CAB39: variants seen among roughly 807,000 people sequenced by gnomAD.
CAB39 encodes calcium binding protein 39.
Under a neutral mutation model 40.0 loss-of-function variants are expected in CAB39, and 8 were observed. The observed-to-expected ratio is 0.20, with a 90% CI of 0.12 to 0.36. The LOEUF is 0.36. Among genes scored for constraint, CAB39 ranks in the 10% least tolerant of loss-of-function variants. CAB39 has a pLI of 1.00. For synonymous variants in CAB39, 156 were observed against 141.6 expected, an observed-to-expected ratio of 1.10 and a Z score of -0.72; for missense variants, 270 against 401.1, an observed-to-expected ratio of 0.67 and a Z score of 2.79.
rs1294527353 is a variant in CAB39, at chr2:230,750,784, A to T, written c.-43-9175A>T. Among the ~76,000 whole-genome samples the T allele has an allele frequency of 2.0e-5, 3 of 152,204 alleles. No homozygotes were observed. In the East Asian group the frequency reaches 5.8e-4, roughly 29 times the overall value. ...TCCAGTTTATATAATAGATATGCAG[A>T]TACAGTGCTAAGCACTTTTTAATTC... On this transcript the variant is annotated intron_variant, in intron 1 of 8. Transcript: ENST00000258418.
intron 2 of CAB39, among the ~76,000 whole-genome samples, chr2:230,786,154 ACT>A (rs1306041560): frequency 8.2e-6 from 1 of 121,706 alleles, no homozygotes; most frequent in East Asian, 2.3e-4. Flanking sequence ...ACAGAGCAAG[ACT>A]CTGTCTCAAA....
intron 2 of CAB39, among the ~76,000 whole-genome samples, chr2:230,782,962 A>C (rs983173881): frequency 7.0e-6 from 1 of 142,448 alleles, no homozygotes; most frequent in Non-Finnish European, 1.6e-5. Flanking sequence ...ACAGGCGCTG[A>C]CCACCACGCC....
intron 4 of CAB39, among the ~76,000 whole-genome samples, chr2:230,796,581 A>G (rs1385726487): frequency 6.6e-6 from 1 of 152,146 alleles, no homozygotes; most frequent in Non-Finnish European, 1.5e-5. Context: ...TTGTGAGCAG[A>G]TATTTCCATC....
chr2:230,722,459 A>G (rs1263496424), intron 1 of CAB39, among the ~76,000 whole-genome samples: 1 of 152,222 alleles, frequency 6.6e-6, no homozygotes, highest in Admixed American at 6.5e-5. Flanking sequence ...GCCCAGCTCC[A>G]AACTGTTTTA....
At chr2:230,740,860 T>C (rs1358208060) in intron 1 of CAB39, among the ~76,000 whole-genome samples, 1 of 152,230 alleles carries the variant, frequency 6.6e-6, no homozygotes, top group African/African-American at 2.4e-5. Context: ...AAGATGGGGC[T>C]TCCTATGCAA....
chr2:230,787,538 T>G (rs1450493525), intron 2 of CAB39, among the ~76,000 whole-genome samples: 3 of 152,196 alleles, frequency 2.0e-5, no homozygotes, highest in Non-Finnish European at 4.4e-5. Flanking sequence ...AGAATAACAT[T>G]TGGAAAGACC....
intron 4 of CAB39, among the ~76,000 whole-genome samples, chr2:230,794,236 G>C (rs541264171): frequency 2.0e-5 from 3 of 152,218 alleles, no homozygotes; most frequent in African/African-American, 7.2e-5. Context: ...TAGACAAAGT[G>C]TGAGTCAGTG....
chr2:230,817,678 AAAAT>A (rs1218270901), intron 7 of CAB39, 72 bp from the exon 8 acceptor site: 6 of 1,180,956 alleles, frequency 5.1e-6, no homozygotes, highest in African/African-American at 1.6e-5. Context: ...TGATGATTAT[AAAAT>A]AAATTGTTTT....
intron 1 of CAB39, among the ~76,000 whole-genome samples, chr2:230,732,400 G>T (rs2139044): frequency 6.6e-6 from 1 of 152,122 alleles, no homozygotes; most frequent in Non-Finnish European, 1.5e-5. Context: ...CTCTTAACAG[G>T]AGAACTCAGT....
chr2:230,746,662 A>G (rs1694983306), intron 1 of CAB39, among the ~76,000 whole-genome samples: 1 of 152,130 alleles, frequency 6.6e-6, no homozygotes, highest in South Asian at 2.1e-4. Context: ...ACTTTGCTAG[A>G]TTTCCTGCTC....
chr2:230,818,282 C>T (rs955708305), intron 8 of CAB39: 3 of 505,850 alleles, frequency 5.9e-6, no homozygotes, highest in African/African-American at 3.9e-5. Flanking sequence ...ATACTAAACA[C>T]TGTGTTGCAG....
At chr2:230,746,449 C>G (rs536033099) in intron 1 of CAB39, among the ~76,000 whole-genome samples, 2 of 152,338 alleles carry the variant, frequency 1.3e-5, no homozygotes, top group East Asian at 1.9e-4. Flanking sequence ...CAGGATGGCT[C>G]TATAAATAGT....
At chr2:230,805,370 G>A (rs984569756) in intron 5 of CAB39, among the ~76,000 whole-genome samples, 3 of 151,490 alleles carry the variant, frequency 2.0e-5, no homozygotes, top group African/African-American at 4.9e-5. Flanking sequence ...TGCATGTTGT[G>A]TACATGTACC....
intron 1 of CAB39, among the ~76,000 whole-genome samples, chr2:230,737,972 C>T (rs2124885055): frequency 6.6e-6 from 1 of 152,292 alleles, no homozygotes; most frequent in East Asian, 1.9e-4. Context: ...CTTCTGCCTG[C>T]TTTTTCACCC....
intron 8 of CAB39, chr2:230,818,237 T>C (rs1012248391): frequency 3.8e-5 from 17 of 451,862 alleles, no homozygotes; most frequent in Non-Finnish European, 5.4e-5. Context: ...AAATAATTTC[T>C]GCCCATTTTA....
chr2:230,758,850 TAGG>T (rs1265909991), intron 1 of CAB39, among the ~76,000 whole-genome samples: 1 of 152,230 alleles, frequency 6.6e-6, no homozygotes, highest in African/African-American at 2.4e-5. Context: ...CGGTGTCTGA[TAGG>T]AGACTGTTTA....
intron 5 of CAB39, among the ~76,000 whole-genome samples, chr2:230,801,531 G>C (rs1696089485): frequency 6.6e-6 from 1 of 152,096 alleles, no homozygotes; most frequent in Admixed American, 6.5e-5. Flanking sequence ...CCAAACATGT[G>C]GCTCATCCAT....
rs1296860577 is a variant in CAB39, at chr2:230,819,863, G to A, written c.*1159G>A. On this transcript the variant is annotated 3_prime_UTR_variant, in exon 9 of 9. Transcript: ENST00000258418. The stretch of plus-strand genomic sequence containing the variant: ...AAATTAATGCTGATTCTTTGTGTGT[G>A]TGGGAAATCTCTGTAGAGCACCTTT... The A allele has an allele frequency of 1.3e-5, 2 of 152,602 alleles. No individual in the cohort carries two copies. The highest frequency in any genetic ancestry group is 2.9e-5 in the Non-Finnish European group (2 of 68,040). 9.5% of individuals were successfully genotyped at this position (152,602 alleles called of 1,614,324 possible). A position where few individuals can be genotyped will look rare whatever the true frequency, so the allele number is the denominator to read the frequency against.
intron 4 of CAB39, among the ~76,000 whole-genome samples, chr2:230,795,048 G>C (rs998042535): frequency 6.6e-6 from 1 of 152,190 alleles, no homozygotes; most frequent in Non-Finnish European, 1.5e-5. Context: ...GGCCAAGGCG[G>C]GTGGATCACT....
Sources: gnomAD v4.1 joint callset for allele counts (sites outside exome capture counted in the v4.1 genomes callset) on GRCh38, gnomAD v4.1.1 for gene constraint, MANE v1.5 for transcripts, NCBI Gene and HGNC (gene_info 2026-07-23, HGNC 2026-07-21) for gene names.